MICU3: variants seen among roughly 807,000 people sequenced by gnomAD.
MICU3 encodes the protein mitochondrial calcium uptake 3, also known as calcium uptake protein 3, mitochondrial.
In MICU3, 62 loss-of-function variants were observed where a neutral mutation model predicts 66.5. The observed-to-expected ratio is 0.93, with a 90% CI of 0.76 to 1.15. The LOEUF (loss-of-function observed/expected upper bound fraction) is 1.15. Among genes scored for constraint, MICU3 ranks in the 50% most tolerant of loss-of-function variants. The probability of loss-of-function intolerance (pLI) is 0.00; values close to 1 mark genes in which losing one functional copy is unlikely to be tolerated. For synonymous variants in MICU3, 308 were observed against 240.7 expected (o/e 1.28, Z -2.59); for missense variants, 779 against 664.4 (o/e 1.17, Z -1.90).
chr8:17,098,001 G>C (rs2150791465), intron 8 of MICU3, among the ~76,000 whole-genome samples: 1 of 151,782 alleles, frequency 6.6e-6, no homozygotes, highest in East Asian at 1.9e-4. Context: ...TTTCTGTAAA[G>C]TATAGATAAA....
the MICU3 span, among the ~76,000 whole-genome samples, chr8:17,130,381 G>A: frequency 6.6e-6 from 1 of 152,026 alleles, no homozygotes; most frequent in Admixed American, 6.6e-5. Flanking sequence ...AAATTAGCCG[G>A]GCGTGGTGGC....
At chr8:17,118,807 C>T in intron 14 of MICU3, 32 bp downstream of exon 14, 1 of 1,339,364 alleles carries the variant, frequency 7.5e-7, no homozygotes, top group Non-Finnish European at 1.1e-6. Flanking sequence ...TAAATTTGTT[C>T]AGTAACAATA....
chr8:17,040,521 A>T (rs949023439), intron 1 of MICU3, among the ~76,000 whole-genome samples: 1 of 152,232 alleles, frequency 6.6e-6, no homozygotes, highest in Non-Finnish European at 1.5e-5. Flanking sequence ...ACCTGTAAGC[A>T]TTAATGATTG....
At position 17,117,435 on chromosome 8, in the gene MICU3, T is replaced by C. The variant is rs565541710; in HGVS notation, c.1524+835T>C. Among the ~76,000 whole-genome samples, 7 of 152,046 alleles carry C rather than the reference T, an allele frequency of 4.6e-5. 1 individual carries two copies. The highest frequency in any genetic ancestry group is 4.1e-4 in the South Asian group (2 of 4,820). ...ATTACCAGAAATTCAGTGATTTTTT[T>C]CCCCCAAGAAACATGTTTTAAAGCT... is the stretch of plus-strand genomic sequence containing the variant. On this transcript the variant is annotated intron_variant, in intron 13 of 14. Coordinates refer to ENST00000318063, the MANE Select transcript of MICU3 (RefSeq NM_181723.3).
chr8:17,118,826 A>G lies in MICU3; in HGVS notation c.*51A>G, dbSNP rs763285743. 5 of 1,078,988 alleles carry G rather than the reference A, an allele frequency of 4.6e-6. No homozygotes were observed. In the East Asian group the frequency reaches 1.2e-4, roughly 26 times the overall value. 66.8% of individuals were successfully genotyped at this position (1,078,988 alleles called of 1,614,324 possible). Reference sequence around the variant, plus strand: ...TTTGTTCAGTAACAATAGGGATCATAATTTATTTTTCTGTTATAACATTTA... The same window carrying G: ...TTTGTTCAGTAACAATAGGGATCATGATTTATTTTTCTGTTATAACATTTA... On this transcript the variant is annotated intron_variant, in intron 14 of 14. Transcript: ENST00000318063.
rs35133600 is a variant in MICU3, at chr8:17,039,895, CTTTTTTTTTTTTT to C, written c.381+12252_381+12264del. ...ATGAAGGTATCCATCATCTTGCATT[CTTTTTTTTTTTTT>C]TTTTTTTTTTTTTTTTGAGATGGAG... On this transcript the variant is annotated intron_variant, in intron 1 of 14. Transcript: ENST00000318063. Among the ~76,000 whole-genome samples the C allele has an allele frequency of 1.3e-4, 8 of 62,548 alleles. No individual in the cohort carries two copies. The South Asian group carries it at 3.1e-3, about 24-fold the overall frequency. 41.0% of individuals were successfully genotyped at this position (62,548 alleles called of 152,430 possible).
chr8:17,092,503 T>C (rs1273591428), intron 8 of MICU3, among the ~76,000 whole-genome samples: 1 of 152,028 alleles, frequency 6.6e-6, no homozygotes, highest in Non-Finnish European at 1.5e-5. Flanking sequence ...TTTTCTTTAT[T>C]TCATTTTATA....
the MICU3 span, chr8:17,132,101 C>G: frequency 6.6e-6 from 1 of 152,220 alleles, no homozygotes; most frequent in East Asian, 1.9e-4. Context: ...AGAATCATCA[C>G]AGTTCCACTG....
chr8:17,043,171 C>A (rs1464173000), intron 1 of MICU3, among the ~76,000 whole-genome samples: 1 of 151,730 alleles, frequency 6.6e-6, no homozygotes, highest in South Asian at 2.1e-4. Flanking sequence ...GATCTCCTGA[C>A]CTCGTGATCC....
At chr8:17,106,461 C>A (rs1196977469) in intron 11 of MICU3, among the ~76,000 whole-genome samples, 1 of 150,786 alleles carries the variant, frequency 6.6e-6, no homozygotes, top group East Asian at 1.9e-4. Flanking sequence ...ATAGGTACTT[C>A]CCTAAAAATA....
chr8:17,088,798 T>C lies in MICU3; in HGVS notation c.850-1748T>C, dbSNP rs146253251. On this transcript the variant is annotated intron_variant, in intron 7 of 14. Coordinates refer to ENST00000318063, the MANE Select transcript of MICU3 (RefSeq NM_181723.3). ...CAATGCACACTGAGAAAACCTACAG[T>C]GTTAGCACAAAATTTGGCTCTGAGC... Among the ~76,000 whole-genome samples the C allele has an allele frequency of 2.0e-5, 3 of 151,978 alleles. No individual in the cohort carries two copies. The East Asian group carries it at 5.8e-4, about 30-fold the overall frequency.
chr8:17,093,747 G>A (rs1171968867), intron 8 of MICU3, among the ~76,000 whole-genome samples: 5 of 151,710 alleles, frequency 3.3e-5, no homozygotes, highest in Middle Eastern at 3.4e-3. Context: ...GTTTTTTGCC[G>A]TAAAATCTCT....
chr8:17,033,442 A>G (rs963286236), intron 1 of MICU3, among the ~76,000 whole-genome samples: 6 of 147,918 alleles, frequency 4.1e-5, no homozygotes, highest in Non-Finnish European at 7.5e-5. Flanking sequence ...ATTATCATCA[A>G]TTTTTTTTTT....
intron 11 of MICU3, 30 bp downstream of exon 11, chr8:17,105,614 G>A (rs1801673475): frequency 1.4e-6 from 2 of 1,399,410 alleles, no homozygotes; most frequent in East Asian, 2.5e-5. Context: ...AGTTGGTTAT[G>A]TTACTGTTTT....
intron 1 of MICU3, among the ~76,000 whole-genome samples, chr8:17,052,250 A>G (rs1022549932): frequency 2.6e-5 from 4 of 152,188 alleles, no homozygotes; most frequent in Non-Finnish European, 5.9e-5. Flanking sequence ...GTATGTATTT[A>G]TGGGGTGTGT....
chr8:17,106,443 T>C (rs949855194), intron 11 of MICU3, among the ~76,000 whole-genome samples: 7 of 151,974 alleles, frequency 4.6e-5, no homozygotes, highest in African/African-American at 1.7e-4. Context: ...ACGGAATTTT[T>C]CCAATTCATA....
At chr8:17,115,118 C>CAA (rs11312297) in intron 12 of MICU3, among the ~76,000 whole-genome samples, 4 of 123,560 alleles carry the variant, frequency 3.2e-5, no homozygotes, top group Non-Finnish European at 5.2e-5. Flanking sequence ...GACTCCGTCT[C>CAA]AAAAAAAAAA....
intron 11 of MICU3, among the ~76,000 whole-genome samples, chr8:17,107,502 A>T (rs772001134): frequency 6.6e-6 from 1 of 152,186 alleles, no homozygotes; most frequent in African/African-American, 2.4e-5. Context: ...TAAGGTAAGA[A>T]GTTTAGTTAT....
At chr8:17,093,659 G>A (rs904843032) in intron 8 of MICU3, among the ~76,000 whole-genome samples, 2 of 151,754 alleles carry the variant, frequency 1.3e-5, no homozygotes, top group Admixed American at 6.6e-5. Context: ...GTTGTTACCT[G>A]TATAAGATTA....
Sources: gnomAD v4.1 joint callset for allele counts (sites outside exome capture counted in the v4.1 genomes callset) on GRCh38, gnomAD v4.1.1 for gene constraint, MANE v1.5 for transcripts, NCBI Gene and HGNC (gene_info 2026-07-23, HGNC 2026-07-21) for gene names.